NOL10: variants seen among roughly 807,000 people sequenced by gnomAD.
NOL10 encodes the protein H_NH0074G24.1.
A neutral mutation model predicts 103.5 loss-of-function variants in NOL10; 58 were observed. The ratio of observed to expected loss-of-function variants is 0.56; its 90% CI spans 0.45 to 0.70. The LOEUF (loss-of-function observed/expected upper bound fraction) is 0.70. NOL10 is among the 30% of genes least tolerant of loss of function. NOL10 has a pLI of 0.00. For synonymous variants in NOL10, 287 were observed against 282.5 expected (o/e 1.02, Z -0.16); for missense variants, 763 against 807.3 (o/e 0.95, Z 0.67).
At position 10,577,694 on chromosome 2, in the gene NOL10, G is replaced by C. The variant is rs1408880747; in HGVS notation, c.1889C>G (p.Thr630Arg). The C allele has an allele frequency of 1.2e-5, 19 of 1,612,742 alleles. No homozygotes were observed. The highest frequency in any genetic ancestry group is 1.5e-5 in the Non-Finnish European group (18 of 1,179,384). ...DRLKIEAKNG[T>R]LSVSDTTVGS... ...AACGGTGGTGTCGGATACACTCAAT[G>C]TCCCATTTTTTGCTTCAATTTTCAA... is the stretch of plus-strand genomic sequence containing the variant. Residue 630 changes from threonine (T) to arginine (R), a missense_variant, in exon 20 of 21, where the codon ACA (threonine) becomes AGA (arginine). By Grantham distance (71) the Thr-to-Arg change is moderately conservative (BLOSUM62 -1). Coordinates refer to ENST00000381685, the MANE Select transcript of NOL10 (RefSeq NM_024894.4).
At chr2:10,610,977 T>A (rs1017413957) in intron 13 of NOL10, among the ~76,000 whole-genome samples, 2 of 152,214 alleles carry the variant, frequency 1.3e-5, no homozygotes, top group Non-Finnish European at 2.9e-5. Context: ...AAGACTTTCT[T>A]TTTTTCTTTT....
At chr2:10,687,304 T>C (rs2171771) in intron 1 of NOL10, among the ~76,000 whole-genome samples, 3,584 of 152,222 alleles carry the variant, frequency 0.024, 165 homozygotes, top group African/African-American at 0.081. Context: ...TCGATGGTCA[T>C]TTTTCTGCCT....
intron 20 of NOL10, among the ~76,000 whole-genome samples, chr2:10,577,321 A>G (rs907851391): frequency 2.2e-4 from 34 of 152,298 alleles, no homozygotes; most frequent in Middle Eastern, 3.4e-3. Context: ...CTTTTGCTTT[A>G]TAAGCCGCAC....
At chr2:10,587,184 T>TATATACAC (rs1354305701) in intron 19 of NOL10, among the ~76,000 whole-genome samples, 2 of 47,360 alleles carry the variant, frequency 4.2e-5, no homozygotes, top group Admixed American at 4.5e-4. Flanking sequence ...TATATACACA[T>TATATACAC]ATATATACAC....
Position 10,671,667 on chromosome 2 carries a change from T to TC in NOL10, c.350dup (p.Tyr118IlefsTer3), listed in dbSNP as rs1680949951. ...CTGATTGCGAATGAAATTCAATGTA[T>TC]CTATCATTATGTAAGAAGACAATCT... is the stretch of plus-strand genomic sequence containing the variant. On this transcript the variant is annotated frameshift_variant, in exon 6 of 21. Coordinates refer to ENST00000381685, the MANE Select transcript of NOL10 (RefSeq NM_024894.4). LOFTEE classifies it high-confidence loss of function. The TC allele has an allele frequency of 6.4e-7, 1 of 1,571,740 alleles. No homozygotes were observed. Among genetic ancestry groups the TC allele is most frequent in the Non-Finnish European group, 8.6e-7 (1 of 1,156,198 alleles).
intron 3 of NOL10, among the ~76,000 whole-genome samples, chr2:10,676,483 G>T (rs1681315228): frequency 6.6e-6 from 1 of 152,160 alleles, no homozygotes; most frequent in Non-Finnish European, 1.5e-5. Context: ...CCATAAAGTG[G>T]ATGAGGCAGA....
intron 10 of NOL10, among the ~76,000 whole-genome samples, chr2:10,658,933 G>C (rs1680010724): frequency 6.6e-6 from 1 of 152,050 alleles, no homozygotes. Context: ...CAAAAAATTA[G>C]CCAGGTGTGG....
chr2:10,673,848 C>CAAA (rs576218627), intron 4 of NOL10, among the ~76,000 whole-genome samples: 40 of 151,772 alleles, frequency 2.6e-4, no homozygotes, highest in Non-Finnish European at 5.6e-4. Context: ...ATGTTGAAAA[C>CAAA]AAAATAATTT....
At chr2:10,645,193 G>T (rs1291385277) in intron 12 of NOL10, among the ~76,000 whole-genome samples, 2 of 152,132 alleles carry the variant, frequency 1.3e-5, no homozygotes. Flanking sequence ...TGCCCCAGTC[G>T]TGAGAGAATG....
chr2:10,616,932 C>G (rs753320373), intron 13 of NOL10, among the ~76,000 whole-genome samples: 2 of 152,164 alleles, frequency 1.3e-5, no homozygotes, highest in Non-Finnish European at 2.9e-5. Context: ...TTCACTTATT[C>G]AACAAAGAGT....
chr2:10,681,311 A>T (rs1041510056), intron 3 of NOL10, among the ~76,000 whole-genome samples: 2 of 152,206 alleles, frequency 1.3e-5, no homozygotes, highest in African/African-American at 2.4e-5. Context: ...ATTGACACAT[A>T]TAACAACATG....
rs769233955 is a variant in NOL10 at position 10,572,026 on chromosome 2, G to A, written c.*45C>T. 14 of 1,609,124 alleles carry A rather than the reference G, an allele frequency of 8.7e-6. No homozygotes were observed. The East Asian group carries it at 2.9e-4, about 33-fold the overall frequency. On this transcript the variant is annotated 3_prime_UTR_variant, in exon 21 of 21. Coordinates refer to ENST00000381685, the MANE Select transcript of NOL10 (RefSeq NM_024894.4). ...AACACCCTAACGATGATCAGTTTGG[G>A]GGAGACGTACCCCTCCCTAATCACA...
chr2:10,626,986 C>T (rs917714178), intron 13 of NOL10, among the ~76,000 whole-genome samples: 7 of 152,258 alleles, frequency 4.6e-5, no homozygotes, highest in East Asian at 1.9e-4. Context: ...TCTGTATGTC[C>T]GCTATTCTTG....
Position 10,675,890 on chromosome 2 carries a change from A to C in NOL10, c.212-19T>G. The C allele has an allele frequency of 7.1e-7, 1 of 1,402,140 alleles. No homozygotes were observed. The highest frequency in any genetic ancestry group is 9.9e-7 in the Non-Finnish European group (1 of 1,012,758). 86.9% of individuals were successfully genotyped at this position (1,402,140 alleles called of 1,614,324 possible). A position where few individuals can be genotyped will look rare whatever the true frequency, so the allele number is the denominator to read the frequency against. ...TATGTTCCTACAAAAAATTAATGTG[A>C]TGTAAAACCTAAAGACATACTTTCA... On this transcript the variant is annotated intron_variant, in intron 3 of 20. Coordinates refer to ENST00000381685, the MANE Select transcript of NOL10 (RefSeq NM_024894.4).
intron 17 of NOL10, among the ~76,000 whole-genome samples, chr2:10,597,639 A>C (rs1324578598): frequency 6.6e-6 from 1 of 152,198 alleles, no homozygotes; most frequent in Non-Finnish European, 1.5e-5. Context: ...ACCATATATA[A>C]ATATTTCTGG....
intron 13 of NOL10, among the ~76,000 whole-genome samples, chr2:10,639,082 C>T (rs1253793915): frequency 6.6e-6 from 1 of 150,714 alleles, no homozygotes; most frequent in Admixed American, 6.6e-5. Context: ...GGATTACAGG[C>T]GTGAGCCACC....
At chr2:10,608,525 G>T (rs1182619090) in intron 13 of NOL10, among the ~76,000 whole-genome samples, 2 of 127,226 alleles carry the variant, frequency 1.6e-5, no homozygotes, top group East Asian at 4.6e-4. Flanking sequence ...TAGAGGTAAT[G>T]AGAGAACACT....
chr2:10,643,747 A>G (rs1349385034), intron 13 of NOL10, among the ~76,000 whole-genome samples: 1 of 152,256 alleles, frequency 6.6e-6, no homozygotes, highest in Non-Finnish European at 1.5e-5. Context: ...AGATTCTGAA[A>G]TACTTGGAAA....
chr2:10,686,019 G>A (rs539246225), intron 1 of NOL10, among the ~76,000 whole-genome samples: 17 of 147,572 alleles, frequency 1.2e-4, no homozygotes, highest in Admixed American at 8.9e-4. Flanking sequence ...CCATGATTGT[G>A]CCACTGCACT....
Sources: allele counts gnomAD v4.1 joint callset (sites outside exome capture counted in the v4.1 genomes callset), GRCh38; gene constraint gnomAD v4.1.1; transcripts MANE v1.5; gene names NCBI Gene and HGNC (gene_info 2026-07-23, HGNC 2026-07-21).